Variants in SLC26A7 observed in about 807,000 individuals in gnomAD.
The protein encoded by SLC26A7 is anion exchange transporter.
SLC26A7 carries 59 observed loss-of-function variants against 82.5 expected under a neutral mutation model. The ratio of observed to expected loss-of-function variants is 0.72; its 90% CI spans 0.58 to 0.89. The LOEUF is 0.89. SLC26A7 is among the 40% of genes least tolerant of loss of function. The probability of loss-of-function intolerance (pLI) is 0.00; values close to 1 mark genes in which losing one functional copy is unlikely to be tolerated. For synonymous variants in SLC26A7, 271 were observed against 274.3 expected (o/e 0.99, Z 0.12); for missense variants, 820 against 793.0 (o/e 1.03, Z -0.41).
rs1244864896 is a variant in SLC26A7 at position 91,396,182 on chromosome 8, T to C, written c.*1085T>C. 6.6e-6 allele frequency: 1 copy of C among 152,016 alleles called. No homozygotes were observed. The highest frequency in any genetic ancestry group is 2.4e-5 in the African/African-American group (1 of 41,422). 9.4% of individuals were successfully genotyped at this position (152,016 alleles called of 1,614,324 possible). A position where few individuals can be genotyped will look rare whatever the true frequency, so the allele number is the denominator to read the frequency against. ...AACTGTATGTTACTGTTTTCATGCT[T>C]ATACATATATTTTCAATCACATACA... On this transcript the variant is annotated 3_prime_UTR_variant, in exon 19 of 19. Coordinates refer to ENST00000276609, the MANE Select transcript of SLC26A7 (RefSeq NM_052832.4).
At chr8:91,282,111 T>C (rs1352282955) in intron 2 of SLC26A7, among the ~76,000 whole-genome samples, 1 of 152,172 alleles carries the variant, frequency 6.6e-6, no homozygotes, top group Non-Finnish European at 1.5e-5. Context: ...AGAACCAAAA[T>C]AGAACTAACC....
intron 2 of SLC26A7, among the ~76,000 whole-genome samples, chr8:91,270,355 C>T (rs541120986): frequency 1.8e-4 from 28 of 152,232 alleles, no homozygotes; most frequent in African/African-American, 6.5e-4. Flanking sequence ...CACTGCTTGC[C>T]GTTGTTTCCT....
intron 4 of SLC26A7, among the ~76,000 whole-genome samples, chr8:91,296,100 T>C (rs762779158): frequency 6.6e-6 from 1 of 152,186 alleles, no homozygotes; most frequent in Non-Finnish European, 1.5e-5. Flanking sequence ...TCTAGTGTCC[T>C]TCCCAGTTTT....
intron 14 of SLC26A7, among the ~76,000 whole-genome samples, chr8:91,368,054 A>T (rs559370199): frequency 6.6e-6 from 1 of 152,212 alleles, no homozygotes; most frequent in Non-Finnish European, 1.5e-5. Flanking sequence ...ATTATTAAGG[A>T]TTTCAAGATG....
chr8:91,347,490 A>T (rs918592419), intron 9 of SLC26A7, among the ~76,000 whole-genome samples: 9 of 152,200 alleles, frequency 5.9e-5, no homozygotes, highest in African/African-American at 1.9e-4. Flanking sequence ...TATTAATGAT[A>T]TTTTAACATT....
At chr8:91,254,642 C>G (rs565591573) in intron 2 of SLC26A7, among the ~76,000 whole-genome samples, 41 of 152,048 alleles carry the variant, frequency 2.7e-4, no homozygotes, top group African/African-American at 9.6e-4. Flanking sequence ...TACCCCTCTT[C>G]AGAATAAATA....
chr8:91,315,305 C>T (rs1007389398), intron 4 of SLC26A7, among the ~76,000 whole-genome samples: 1 of 152,032 alleles, frequency 6.6e-6, no homozygotes, highest in Non-Finnish European at 1.5e-5. Context: ...CAGTAATATG[C>T]TAATTTCATC....
chr8:91,320,307 C>T (rs902573110), intron 5 of SLC26A7, among the ~76,000 whole-genome samples: 9 of 152,124 alleles, frequency 5.9e-5, no homozygotes, highest in East Asian at 1.9e-4. Context: ...TACGGTGAAA[C>T]GGAATCAGAT....
At chr8:91,261,170 A>G (rs531805064) in intron 2 of SLC26A7, among the ~76,000 whole-genome samples, 1 of 152,230 alleles carries the variant, frequency 6.6e-6, no homozygotes, top group South Asian at 2.1e-4. Flanking sequence ...GTTTTTAAGA[A>G]TACTAATCCA....
At chr8:91,324,460 G>A (rs956878347) in intron 5 of SLC26A7, among the ~76,000 whole-genome samples, 3 of 152,184 alleles carry the variant, frequency 2.0e-5, no homozygotes, top group African/African-American at 7.2e-5. Context: ...GGATGTGAAA[G>A]CTGCCTTAAT....
intron 2 of SLC26A7, among the ~76,000 whole-genome samples, chr8:91,229,516 A>G (rs571909333): frequency 1.3e-5 from 2 of 152,288 alleles, no homozygotes; most frequent in South Asian, 2.1e-4. Flanking sequence ...TTAAATATCT[A>G]TTTATTCCTC....
At chr8:91,369,220 C>A (rs910115228) in intron 14 of SLC26A7, among the ~76,000 whole-genome samples, 1 of 152,150 alleles carries the variant, frequency 6.6e-6, no homozygotes, top group African/African-American at 2.4e-5. Flanking sequence ...AGTGTGAAGT[C>A]CTTGGCATAT....
chr8:91,317,506 A>G (rs191640566), intron 4 of SLC26A7, among the ~76,000 whole-genome samples: 2 of 152,308 alleles, frequency 1.3e-5, no homozygotes, highest in Admixed American at 6.5e-5. Flanking sequence ...GGAATTATTT[A>G]TATCCTACTG....
chr8:91,259,330 C>T (rs1174392248), intron 2 of SLC26A7, among the ~76,000 whole-genome samples: 1 of 152,068 alleles, frequency 6.6e-6, no homozygotes, highest in East Asian at 1.9e-4. Context: ...TTCTTTTGTA[C>T]ATCATCACTA....
At chr8:91,376,108 C>T (rs1166985995) in intron 15 of SLC26A7, among the ~76,000 whole-genome samples, 5 of 152,058 alleles carry the variant, frequency 3.3e-5, no homozygotes, top group African/African-American at 1.2e-4. Flanking sequence ...AAAAATATAG[C>T]TATCTTTCAA....
At chr8:91,353,990 A>T (rs995606848) in intron 11 of SLC26A7, among the ~76,000 whole-genome samples, 2 of 152,116 alleles carry the variant, frequency 1.3e-5, no homozygotes, top group Non-Finnish European at 2.9e-5. Context: ...AGGCAGAAGC[A>T]TTTAATTTGG....
chr8:91,298,275 C>A (rs1038998437), intron 4 of SLC26A7, among the ~76,000 whole-genome samples: 1 of 152,188 alleles, frequency 6.6e-6, no homozygotes, highest in Non-Finnish European at 1.5e-5. Flanking sequence ...CTACACACAA[C>A]TCTTTCTCCA....
chr8:91,336,668 A>G (rs770503882), intron 6 of SLC26A7, among the ~76,000 whole-genome samples: 3 of 152,154 alleles, frequency 2.0e-5, no homozygotes, highest in Non-Finnish European at 2.9e-5. Flanking sequence ...GGCCTTATAC[A>G]CGCATATTGA....
At chr8:91,276,794 G>C (rs10101694) in intron 2 of SLC26A7, among the ~76,000 whole-genome samples, 33,789 of 151,960 alleles carry the variant, frequency 0.22, 5,142 homozygotes, top group African/African-American at 0.43. Context: ...ATCTTATCAC[G>C]TGCTTCCTTC....
Sources: allele counts gnomAD v4.1 joint callset (sites outside exome capture counted in the v4.1 genomes callset), GRCh38; gene constraint gnomAD v4.1.1; transcripts MANE v1.5; gene names NCBI Gene and HGNC (gene_info 2026-07-23, HGNC 2026-07-21).